SPON1: variants seen among roughly 807,000 people sequenced by gnomAD.
SPON1 encodes the protein spondin 1, also known as spondin-1.
In SPON1, 52 loss-of-function variants were observed where a neutral mutation model predicts 111.7. The observed-to-expected ratio is 0.47, with a 90% confidence interval of 0.37 to 0.59. The LOEUF is 0.59. Among genes scored for constraint, SPON1 ranks in the 20% least tolerant of loss-of-function variants. The probability of loss-of-function intolerance (pLI) is 0.00; values close to 1 mark genes in which losing one functional copy is unlikely to be tolerated. For synonymous variants in SPON1, 410 were observed against 395.8 expected (o/e 1.04, Z -0.43); for missense variants, 957 against 1,068.5 (o/e 0.90, Z 1.46).
chr11:14,256,260 GA>G (rs1302974621), intron 9 of SPON1, among the ~76,000 whole-genome samples: 15 of 150,878 alleles, frequency 9.9e-5, no homozygotes, highest in Admixed American at 9.9e-4. Context: ...AAAGAAAAAA[GA>G]AAAAAAAAGA....
chr11:14,161,325 T>TTA (rs1847961899), intron 6 of SPON1, among the ~76,000 whole-genome samples: 1 of 116,250 alleles, frequency 8.6e-6, no homozygotes, highest in South Asian at 2.6e-4. Flanking sequence ...ATCTATATAT[T>TTA]TATATATATA....
chr11:14,039,083 G>A (rs1157097596), intron 2 of SPON1, among the ~76,000 whole-genome samples: 1 of 152,194 alleles, frequency 6.6e-6, no homozygotes, highest in Non-Finnish European at 1.5e-5. Flanking sequence ...CTAAGTGAAA[G>A]AAGCCAATCT....
chr11:14,122,718 A>G (rs1437453811), intron 5 of SPON1, among the ~76,000 whole-genome samples: 2 of 152,094 alleles, frequency 1.3e-5, no homozygotes, highest in Non-Finnish European at 2.9e-5. Flanking sequence ...AATTTCCATC[A>G]GAGCTTTTTA....
At chr11:14,150,866 A>C (rs1457246795) in intron 6 of SPON1, among the ~76,000 whole-genome samples, 2 of 152,058 alleles carry the variant, frequency 1.3e-5, no homozygotes, top group African/African-American at 2.4e-5. Flanking sequence ...GCAACACTGA[A>C]CTCACTTTTC....
At chr11:14,140,194 C>T (rs113490862) in intron 6 of SPON1, among the ~76,000 whole-genome samples, 16 of 152,314 alleles carry the variant, frequency 1.1e-4, no homozygotes, top group African/African-American at 3.4e-4. Flanking sequence ...TTCCAATCCA[C>T]GTCTGCTTCT....
At chr11:14,144,433 C>A (rs975066788) in intron 6 of SPON1, among the ~76,000 whole-genome samples, 2 of 151,886 alleles carry the variant, frequency 1.3e-5, no homozygotes, top group Non-Finnish European at 2.9e-5. Flanking sequence ...AGTTCGAGAC[C>A]AATCTGGCCA....
intron 3 of SPON1, among the ~76,000 whole-genome samples, chr11:14,058,816 A>G (rs948949815): frequency 2.0e-5 from 3 of 152,184 alleles, no homozygotes. Flanking sequence ...TCCATTTTAC[A>G]GAGAAGAAAA....
chr11:14,039,293 T>C (rs1338278096), intron 2 of SPON1, among the ~76,000 whole-genome samples: 1 of 152,212 alleles, frequency 6.6e-6, no homozygotes, highest in Non-Finnish European at 1.5e-5. Context: ...ACCCATAAGA[T>C]GTATAATACC....
At chr11:14,137,027 CTTTTGTTACAAATAGTAG>C (rs536255351) in intron 6 of SPON1, among the ~76,000 whole-genome samples, 13 of 152,284 alleles carry the variant, frequency 8.5e-5, no homozygotes, top group Non-Finnish European at 1.3e-4. Flanking sequence ...TCTTGAAAAC[CTTTTGTTACAAATAGTAG>C]TTGAAATACT....
chr11:14,088,818 C>G (rs1483234286), intron 5 of SPON1, among the ~76,000 whole-genome samples: 1 of 151,952 alleles, frequency 6.6e-6, no homozygotes, highest in Non-Finnish European at 1.5e-5. Flanking sequence ...TTCTTAGAGG[C>G]TGTGTTCGTT....
At chr11:14,089,898 G>A (rs570549831) in intron 5 of SPON1, among the ~76,000 whole-genome samples, 1 of 152,240 alleles carries the variant, frequency 6.6e-6, no homozygotes, top group South Asian at 2.1e-4. Context: ...GTTTTGCCAC[G>A]CTGTGTTGAG....
At chr11:13,999,561 A>G (rs1330875175) in intron 2 of SPON1, among the ~76,000 whole-genome samples, 5 of 151,946 alleles carry the variant, frequency 3.3e-5, no homozygotes, top group Non-Finnish European at 5.9e-5. Flanking sequence ...ACCCGCCATC[A>G]CACCTGGCTA....
At chr11:14,005,741 T>G (rs1203664608) in intron 2 of SPON1, among the ~76,000 whole-genome samples, 1 of 151,990 alleles carries the variant, frequency 6.6e-6, no homozygotes, top group African/African-American at 2.4e-5. Context: ...ATTATAACAT[T>G]CATAATTCTG....
At chr11:14,184,412 G>A (rs1163070901) in intron 6 of SPON1, among the ~76,000 whole-genome samples, 2 of 152,226 alleles carry the variant, frequency 1.3e-5, no homozygotes, top group South Asian at 2.1e-4. Flanking sequence ...ATTAATTGAT[G>A]GATTAATGAC....
intron 5 of SPON1, among the ~76,000 whole-genome samples, chr11:14,084,145 T>C (rs1848986517): frequency 6.6e-6 from 1 of 152,100 alleles, no homozygotes; most frequent in Middle Eastern, 3.4e-3. Flanking sequence ...TTTTTTTTTT[T>C]AACTTTAAGT....
intron 6 of SPON1, among the ~76,000 whole-genome samples, chr11:14,236,207 C>T (rs782347180): frequency 1.3e-5 from 2 of 152,030 alleles, no homozygotes; most frequent in African/African-American, 2.4e-5. Context: ...TCTAGCTGAG[C>T]GATGATGGTG....
intron 3 of SPON1, 101 bp downstream of exon 3, chr11:14,041,755 A>G (rs1394824306): frequency 3.0e-5 from 40 of 1,355,538 alleles, no homozygotes; most frequent in Non-Finnish European, 3.8e-5. Flanking sequence ...AGAAAGTTGC[A>G]TCATCTCTCT....
intron 3 of SPON1, among the ~76,000 whole-genome samples, chr11:14,058,988 T>C (rs1848768718): frequency 6.6e-6 from 1 of 152,144 alleles, no homozygotes; most frequent in African/African-American, 2.4e-5. Flanking sequence ...TTTTATAAAG[T>C]GTCTTGAGGG....
intron 6 of SPON1, among the ~76,000 whole-genome samples, chr11:14,179,976 C>T (rs1217699266): frequency 6.6e-6 from 1 of 152,140 alleles, no homozygotes; most frequent in Non-Finnish European, 1.5e-5. Context: ...CCTTGATTCA[C>T]ACCTGGTTTC....
Sources: gnomAD v4.1 joint callset for allele counts (sites outside exome capture counted in the v4.1 genomes callset) on GRCh38, gnomAD v4.1.1 for gene constraint, MANE v1.5 for transcripts, NCBI Gene and HGNC (gene_info 2026-07-23, HGNC 2026-07-21) for gene names.